BEND2: variants seen among roughly 807,000 people sequenced by gnomAD.
BEND2 encodes the protein BEN domain-containing protein 2.
A neutral mutation model predicts 43.8 loss-of-function variants in BEND2; 19 were observed. That is an observed-to-expected ratio of 0.43 (90% CI 0.30 to 0.64). The LOEUF (loss-of-function observed/expected upper bound fraction) is 0.64, where lower values mean the gene tolerates loss of function less well. BEND2 is among the 30% of genes least tolerant of loss of function. The pLI is 0.11. For synonymous variants in BEND2, 226 were observed against 210.1 expected, an observed-to-expected ratio of 1.08 and a Z score of -0.66; for missense variants, 544 against 574.0, an observed-to-expected ratio of 0.95 and a Z score of 0.53.
chrX:18,191,656 C>T (rs1173653662), intron 7 of BEND2, among the ~76,000 whole-genome samples: 2 of 111,241 alleles, frequency 1.8e-5, no homozygotes, highest in Non-Finnish European at 3.8e-5. Flanking sequence ...ATAAACAAAC[C>T]ACGGTACATC....
In BEND2 at chrX:18,171,118, C is replaced by T; in HGVS notation, c.2068G>A (p.Ala690Thr). The change falls in exon 13 of 14, where the codon GCT becomes ACT. Residue 690 changes from alanine (A) to threonine (T), a missense_variant. By Grantham distance (58) the Ala-to-Thr change is moderately conservative (BLOSUM62 0). Coordinates refer to ENST00000380033, the MANE Select transcript of BEND2 (RefSeq NM_153346.5). ...AAGAGTTTCTGAATAAGGTATCTAG[C>T]CGACAGGCTTGCGCAAGACTTAGTT... ...AKTKSCASLS[A>T]RYLIQKLFTK... is the part of the protein sequence containing the mutation. 8.3e-7 allele frequency: 1 copy of T among 1,210,472 alleles called. No homozygotes were observed. The highest frequency in any genetic ancestry group is 1.1e-6 in the Non-Finnish European group (1 of 894,015).
At chrX:18,206,824 C>A (rs1381493033) in intron 4 of BEND2, among the ~76,000 whole-genome samples, 1 of 111,573 alleles carries the variant, frequency 9.0e-6, no homozygotes, top group Non-Finnish European at 1.9e-5. Flanking sequence ...CAACTGAGGG[C>A]GTCCTCCTCT....
chrX:18,193,684 C>G (rs1011306337), intron 7 of BEND2, among the ~76,000 whole-genome samples: 1 of 111,497 alleles, frequency 9.0e-6, no homozygotes, highest in African/African-American at 3.3e-5. Context: ...AAAAACCTAC[C>G]ACTAGTTTTA....
intron 4 of BEND2, among the ~76,000 whole-genome samples, chrX:18,207,611 T>C (rs918587191): frequency 8.9e-6 from 1 of 112,644 alleles, no homozygotes; most frequent in Non-Finnish European, 1.9e-5. Flanking sequence ...ATAGAAATTA[T>C]TTTTACTTCA....
intron 6 of BEND2, among the ~76,000 whole-genome samples, chrX:18,200,020 T>TA (rs1925087871): frequency 8.9e-6 from 1 of 111,735 alleles, no homozygotes; most frequent in African/African-American, 3.3e-5. Flanking sequence ...GCTCAGCAAT[T>TA]ACACTCTTGG....
chrX:18,179,367 T>C, intron 9 of BEND2, among the ~76,000 whole-genome samples: 1 of 109,759 alleles, frequency 9.1e-6, no homozygotes, highest in South Asian at 4.1e-4. Flanking sequence ...TTTGCTATGT[T>C]GCCCATGCTG....
intron 8 of BEND2, among the ~76,000 whole-genome samples, chrX:18,183,668 T>G (rs964861640): frequency 1.8e-5 from 2 of 110,658 alleles, no homozygotes; most frequent in East Asian, 5.7e-4. Flanking sequence ...CCCTGAAGAG[T>G]GAGTCCCAGG....
At chrX:18,167,834 G>A (rs751345581) in intron 13 of BEND2, among the ~76,000 whole-genome samples, 12 of 112,509 alleles carry the variant, frequency 1.1e-4, no homozygotes, top group African/African-American at 1.9e-4. Flanking sequence ...CAAAAGGGCT[G>A]GGATTACAGG....
intron 2 of BEND2, among the ~76,000 whole-genome samples, chrX:18,215,020 T>C (rs1214599857): frequency 9.0e-6 from 1 of 111,086 alleles, no homozygotes; most frequent in Non-Finnish European, 1.9e-5. Context: ...TTTAAATGCC[T>C]GCATAATATT....
intron 4 of BEND2, among the ~76,000 whole-genome samples, chrX:18,209,593 C>T (rs2147432110): frequency 8.9e-6 from 1 of 111,907 alleles, no homozygotes; most frequent in South Asian, 3.8e-4. Flanking sequence ...GCCAAAAATG[C>T]ATAATCTCGA....
intron 12 of BEND2, among the ~76,000 whole-genome samples, chrX:18,173,238 C>A (rs997633476): frequency 8.1e-5 from 9 of 111,025 alleles, no homozygotes; most frequent in African/African-American, 2.6e-4. Flanking sequence ...GCCTGACGCT[C>A]GCTCAGTTCT....
intron 1 of BEND2, 117 bp from the exon 2 acceptor site, chrX:18,216,850 T>A: frequency 1.8e-6 from 1 of 568,726 alleles, no homozygotes; most frequent in Middle Eastern, 5.5e-4. Context: ...GCTGAAAATT[T>A]GTATTACATA....
intron 1 of BEND2, 40 bp from the exon 2 acceptor site, chrX:18,216,773 A>T (rs752382660): frequency 3.5e-5 from 35 of 1,008,757 alleles, no homozygotes; most frequent in Non-Finnish European, 4.6e-5. Flanking sequence ...TCAATATCAC[A>T]TTAAATAAAC....
At chrX:18,177,797 T>A in intron 9 of BEND2, 28 bp from the exon 10 acceptor site, 1 of 1,160,602 alleles carries the variant, frequency 8.6e-7, no homozygotes, top group Non-Finnish European at 1.2e-6. Context: ...AAAAGGAACA[T>A]CCTTGGTTTT....
At chrX:18,177,921 G>A in intron 9 of BEND2, 152 bp from the exon 10 acceptor site, 4 of 563,028 alleles carry the variant, frequency 7.1e-6, no homozygotes, top group Non-Finnish European at 1.1e-5. Flanking sequence ...ATTTCTACTT[G>A]GGTGAATTTT....
chrX:18,204,244 T>C (rs1483679660), intron 4 of BEND2, among the ~76,000 whole-genome samples: 3 of 112,434 alleles, frequency 2.7e-5, no homozygotes, highest in Non-Finnish European at 5.6e-5. Flanking sequence ...TGTTGTAATC[T>C]GTCAGACCTA....
intron 8 of BEND2, among the ~76,000 whole-genome samples, chrX:18,189,455 G>A (rs1176559517): frequency 2.7e-5 from 3 of 111,161 alleles, no homozygotes; most frequent in Non-Finnish European, 5.7e-5. Flanking sequence ...AGGCAGCAGT[G>A]AGCCATGATC....
intron 8 of BEND2, among the ~76,000 whole-genome samples, chrX:18,188,342 T>A (rs1924641393): frequency 9.0e-6 from 1 of 110,747 alleles, no homozygotes; most frequent in Non-Finnish European, 1.9e-5. Flanking sequence ...CATGTGTCTG[T>A]TGGTTGTGCA....
intron 3 of BEND2, among the ~76,000 whole-genome samples, chrX:18,213,360 G>A (rs943727920): frequency 2.7e-5 from 3 of 111,666 alleles, no homozygotes; most frequent in East Asian, 2.8e-4. Context: ...TGCTTTAAAA[G>A]CCTGCATCAC....
Sources: gnomAD v4.1 joint callset for allele counts (sites outside exome capture counted in the v4.1 genomes callset) on GRCh38, gnomAD v4.1.1 for gene constraint, MANE v1.5 for transcripts, NCBI Gene and HGNC (gene_info 2026-07-23, HGNC 2026-07-21) for gene names.